MTA3: variants seen among roughly 807,000 people sequenced by gnomAD.
The protein encoded by MTA3 is metastasis-associated protein MTA3.
In MTA3, 34 loss-of-function variants were observed where a neutral mutation model predicts 83.5. The observed-to-expected ratio is 0.41, with a 90% CI of 0.31 to 0.54. The LOEUF (loss-of-function observed/expected upper bound fraction) is 0.54, where lower values mean the gene tolerates loss of function less well. Among genes scored for constraint, MTA3 ranks in the 20% least tolerant of loss-of-function variants. The pLI, the probability that MTA3 is intolerant of heterozygous loss-of-function variation, is 0.33. For missense variants in MTA3, 761 were observed against 726.4 expected, an observed-to-expected ratio of 1.05 and a Z score of -0.55; for synonymous variants, 303 against 252.7, an observed-to-expected ratio of 1.20 and a Z score of -1.89.
At chr2:42,582,135 G>A (rs546706109) in intron 3 of MTA3, among the ~76,000 whole-genome samples, 174 of 151,728 alleles carry the variant, frequency 1.1e-3, no homozygotes, top group African/African-American at 3.8e-3. Context: ...TTGGCTCACT[G>A]CAAGCTCCGC....
intron 6 of MTA3, among the ~76,000 whole-genome samples, chr2:42,644,506 T>A (rs1460986556): frequency 6.6e-6 from 1 of 152,190 alleles, no homozygotes; most frequent in Non-Finnish European, 1.5e-5. Context: ...CTATTATAGG[T>A]GTGGCCTGGC....
At chr2:42,560,734 A>G (rs1013452825) in intron 2 of MTA3, among the ~76,000 whole-genome samples, 1 of 151,654 alleles carries the variant, frequency 6.6e-6, no homozygotes, top group Non-Finnish European at 1.5e-5. Flanking sequence ...GTAAAACTCC[A>G]TCTCTACTGG....
At chr2:42,675,532 G>A (rs1573577602) in intron 8 of MTA3, among the ~76,000 whole-genome samples, 1 of 152,112 alleles carries the variant, frequency 6.6e-6, no homozygotes, top group East Asian at 1.9e-4. Flanking sequence ...TTTTACCTGT[G>A]TATATATTCG....
At chr2:42,718,893 C>T (rs1667218144) in intron 14 of MTA3, 95 bp from the exon 15 acceptor site, 3 of 897,020 alleles carry the variant, frequency 3.3e-6, no homozygotes, top group South Asian at 3.6e-5. Context: ...CTATTTTGTA[C>T]TGTTTTCCAC....
At chr2:42,647,768 A>T (rs1688350084) in intron 6 of MTA3, among the ~76,000 whole-genome samples, 2 of 152,340 alleles carry the variant, frequency 1.3e-5, no homozygotes, top group East Asian at 1.9e-4. Context: ...TTTCAGCCTG[A>T]AGCATTAAAG....
At chr2:42,550,568 T>G (rs1677063420) in intron 2 of MTA3, among the ~76,000 whole-genome samples, 1 of 152,092 alleles carries the variant, frequency 6.6e-6, no homozygotes, top group South Asian at 2.1e-4. Context: ...AAAGCTCACG[T>G]CCTGCTCAAG....
intron 4 of MTA3, among the ~76,000 whole-genome samples, chr2:42,623,697 ATT>A (rs35112138): frequency 3.1e-5 from 4 of 128,140 alleles, no homozygotes; most frequent in Non-Finnish European, 4.9e-5. Flanking sequence ...GGTAGTTCAG[ATT>A]TTTTTTTTTT....
chr2:42,548,816 T>TATATATATAATATATATATATATATA (rs1558428160), intron 2 of MTA3, among the ~76,000 whole-genome samples: 3 of 35,178 alleles, frequency 8.5e-5, no homozygotes, highest in African/African-American at 4.3e-4. Flanking sequence ...AAAAAATATA[T>TATATATATAATATATATATATATATA]ATATATATAT....
chr2:42,704,712 G>A (rs962294357), intron 12 of MTA3, among the ~76,000 whole-genome samples: 3 of 152,186 alleles, frequency 2.0e-5, no homozygotes, highest in Non-Finnish European at 4.4e-5. Context: ...CTGTAGGAAA[G>A]GCCTCTGTGT....
At chr2:42,589,862 A>C (rs1573097601) in intron 3 of MTA3, among the ~76,000 whole-genome samples, 1 of 152,152 alleles carries the variant, frequency 6.6e-6, no homozygotes, top group East Asian at 1.9e-4. Context: ...TTTTGTCACC[A>C]ATGGTCCCTT....
At chr2:42,571,857 G>T (rs1678522750) in intron 2 of MTA3, among the ~76,000 whole-genome samples, 1 of 151,788 alleles carries the variant, frequency 6.6e-6, no homozygotes, top group African/African-American at 2.4e-5. Flanking sequence ...TGAGGCAGGA[G>T]AATTGCTTGA....
At chr2:42,625,760 A>G (rs996950837) in intron 4 of MTA3, among the ~76,000 whole-genome samples, 1 of 150,944 alleles carries the variant, frequency 6.6e-6, no homozygotes, top group African/African-American at 2.5e-5. Flanking sequence ...AAAAAAAAAA[A>G]AAAAAAATTT....
intron 9 of MTA3, among the ~76,000 whole-genome samples, chr2:42,687,419 A>G (rs1436255269): frequency 6.6e-6 from 1 of 152,116 alleles, no homozygotes; most frequent in Non-Finnish European, 1.5e-5. Flanking sequence ...GTACTATTCC[A>G]TTGTGTGAAT....
intron 5 of MTA3, among the ~76,000 whole-genome samples, chr2:42,642,266 T>G (rs1281756200): frequency 6.6e-6 from 1 of 152,168 alleles, no homozygotes; most frequent in Non-Finnish European, 1.5e-5. Context: ...CATTTCATCT[T>G]ATTATATTGT....
At chr2:42,641,086 TGG>T (rs1687651310) in intron 5 of MTA3, among the ~76,000 whole-genome samples, 1 of 152,064 alleles carries the variant, frequency 6.6e-6, no homozygotes, top group Non-Finnish European at 1.5e-5. Context: ...TTTGTGTTTT[TGG>T]TAGAGATGGG....
At chr2:42,666,653 A>G (rs1182761252) in intron 8 of MTA3, among the ~76,000 whole-genome samples, 3 of 152,180 alleles carry the variant, frequency 2.0e-5, no homozygotes, top group Admixed American at 6.5e-5. Context: ...AGCCAGGTCT[A>G]TAATTAAAAA....
intron 8 of MTA3, among the ~76,000 whole-genome samples, chr2:42,672,340 T>TAAACAAAAA: frequency 7.2e-6 from 1 of 138,538 alleles, no homozygotes. Flanking sequence ...TCCTCCTCTC[T>TAAACAAAAA]ATTAAAAAAA....
chr2:42,506,613 T>C (rs963393643), intron 2 of MTA3, among the ~76,000 whole-genome samples: 1 of 129,930 alleles, frequency 7.7e-6, no homozygotes, highest in African/African-American at 3.1e-5. Context: ...GGAGATAATT[T>C]ACTTATTATT....
At chr2:42,507,504 G>C (rs971133742) in intron 2 of MTA3, among the ~76,000 whole-genome samples, 1 of 151,956 alleles carries the variant, frequency 6.6e-6, no homozygotes, top group Admixed American at 6.6e-5. Flanking sequence ...AAATAGTTAT[G>C]AGTGGTTATT....
Sources: allele counts gnomAD v4.1 joint callset (sites outside exome capture counted in the v4.1 genomes callset), GRCh38; gene constraint gnomAD v4.1.1; transcripts MANE v1.5; gene names NCBI Gene and HGNC (gene_info 2026-07-23, HGNC 2026-07-21).